The following CTNNA3 variants were observed in gnomAD, a reference collection of about 807,000 sequenced individuals.
CTNNA3 encodes the protein catenin alpha-3.
A neutral mutation model predicts 95.7 loss-of-function variants in CTNNA3; 76 were observed. The observed-to-expected ratio is 0.79, with a 90% CI of 0.66 to 0.96. CTNNA3 has a LOEUF of 0.96. Among genes scored for constraint, CTNNA3 ranks in the 40% least tolerant of loss-of-function variants. The pLI is 0.00. For missense variants in CTNNA3, 1,191 were observed against 1,089.8 expected (o/e 1.09, Z -1.31); for synonymous variants, 431 against 374.4 (o/e 1.15, Z -1.74).
chr10:66,022,190 AT>A (rs1451307706), intron 15 of CTNNA3, among the ~76,000 whole-genome samples: 1 of 152,050 alleles, frequency 6.6e-6, no homozygotes, highest in Admixed American at 6.6e-5. Flanking sequence ...TAAGGATTTG[AT>A]TTTTGACTTT....
intron 5 of CTNNA3, among the ~76,000 whole-genome samples, chr10:67,294,871 A>G (rs977246671): frequency 1.3e-5 from 2 of 152,220 alleles, no homozygotes; most frequent in Non-Finnish European, 2.9e-5. Flanking sequence ...ATTTTTGTTC[A>G]GTAATTGGTA....
intron 7 of CTNNA3, among the ~76,000 whole-genome samples, chr10:66,823,669 A>C (rs1429813654): frequency 2.0e-5 from 3 of 152,252 alleles, no homozygotes; most frequent in Non-Finnish European, 4.4e-5. Context: ...TAATAACAAT[A>C]GTTAATGTTT....
rs376675508 is a variant in CTNNA3, at chr10:66,405,047, A to C, written c.1532-25695T>G. Among the ~76,000 whole-genome samples, 8 of 152,322 alleles carry C rather than the reference A, an allele frequency of 5.3e-5. No homozygotes were observed. In the East Asian group the frequency reaches 1.5e-3, roughly 29 times the overall value. On this transcript the variant is annotated intron_variant, in intron 11 of 17. Transcript: ENST00000433211. Reference sequence around the variant, plus strand: ...GGCCAGGGTGAGTTTGGTAGGAAGAAATACAGAAGAGTTAAGCAACTATCT... The same window carrying C: ...GGCCAGGGTGAGTTTGGTAGGAAGACATACAGAAGAGTTAAGCAACTATCT...
intron 3 of CTNNA3, among the ~76,000 whole-genome samples, chr10:67,579,295 C>T (rs974252370): frequency 7.4e-5 from 11 of 148,032 alleles, no homozygotes; most frequent in Middle Eastern, 3.3e-3. Context: ...TGAGTGAGAA[C>T]ATGCGGTCTT....
At chr10:67,587,193 TTGTGTGTGTGTGTGTG>T (rs57140243) in intron 3 of CTNNA3, among the ~76,000 whole-genome samples, 13 of 130,154 alleles carry the variant, frequency 1.0e-4, no homozygotes, top group South Asian at 5.6e-4. Flanking sequence ...CCCAGCTAAC[TTGTGTGTGTGTGTGTG>T]TGTGTGTGTG....
In CTNNA3 at chr10:66,432,792, T is replaced by A. The variant is rs568528204; in HGVS notation, c.1532-53440A>T. 3.3e-5 allele frequency among the ~76,000 whole-genome samples: 5 copies of A among 152,254 alleles called. No homozygotes were observed. The East Asian group carries it at 9.6e-4, about 29-fold the overall frequency. ...CTACATCAGGTATTTCTCCTAATGC[T>A]ATCCCTACCCTTGCCCCCAACCCCC... On this transcript the variant is annotated intron_variant, in intron 11 of 17. Coordinates refer to ENST00000433211, the MANE Select transcript of CTNNA3 (RefSeq NM_013266.4).
chr10:67,685,365 A>G (rs1840710835), intron 1 of CTNNA3, among the ~76,000 whole-genome samples: 1 of 152,242 alleles, frequency 6.6e-6, no homozygotes. Flanking sequence ...CAGACCAATT[A>G]TTAGGCAATT....
intron 13 of CTNNA3, among the ~76,000 whole-genome samples, chr10:66,168,683 A>G (rs2085265124): frequency 6.6e-6 from 1 of 152,148 alleles, no homozygotes; most frequent in Non-Finnish European, 1.5e-5. Context: ...GTGCTTTTTT[A>G]TATTATAGTA....
intron 7 of CTNNA3, among the ~76,000 whole-genome samples, chr10:67,175,189 G>A (rs1010000343): frequency 1.3e-5 from 2 of 151,738 alleles, no homozygotes; most frequent in Non-Finnish European, 2.9e-5. Flanking sequence ...GCTGAAAACT[G>A]CCTTTACATT....
intron 11 of CTNNA3, among the ~76,000 whole-genome samples, chr10:66,435,510 G>A (rs1265152556): frequency 4.6e-5 from 7 of 152,072 alleles, no homozygotes; most frequent in Admixed American, 2.6e-4. Context: ...TATTTCTGTG[G>A]GATCAGTGGT....
intron 11 of CTNNA3, among the ~76,000 whole-genome samples, chr10:66,516,314 TGA>T (rs1277702627): frequency 6.6e-6 from 1 of 152,132 alleles, no homozygotes; most frequent in African/African-American, 2.4e-5. Context: ...CACAGAAACT[TGA>T]GAGAGCAGTG....
intron 12 of CTNNA3, among the ~76,000 whole-genome samples, chr10:66,360,862 C>CCTT: frequency 9.1e-6 from 1 of 109,660 alleles, no homozygotes; most frequent in Non-Finnish European, 1.9e-5. Flanking sequence ...TCTTTCCTTT[C>CCTT]TCTTTCTTTT....
chr10:66,775,392 C>T, intron 8 of CTNNA3, 52 bp downstream of exon 8: 2 of 1,176,528 alleles, frequency 1.7e-6, no homozygotes, highest in South Asian at 2.7e-5. Context: ...CAATGAATAA[C>T]AGTTTCATTT....
At chr10:67,738,433 A>G (rs950602719) in intron 1 of CTNNA3, among the ~76,000 whole-genome samples, 1 of 152,198 alleles carries the variant, frequency 6.6e-6, no homozygotes, top group Non-Finnish European at 1.5e-5. Context: ...CCAAAACCCC[A>G]TCTGTACGTC....
chr10:66,914,626 A>AG (rs904291437), intron 7 of CTNNA3, among the ~76,000 whole-genome samples: 2 of 152,000 alleles, frequency 1.3e-5, no homozygotes, highest in African/African-American at 2.4e-5. Context: ...GCTATGAAGA[A>AG]GGGGCAAAAA....
chr10:66,512,390 G>T (rs550150341), intron 11 of CTNNA3, among the ~76,000 whole-genome samples: 97 of 152,040 alleles, frequency 6.4e-4, no homozygotes, highest in Middle Eastern at 6.8e-3. Context: ...GATAAGATGA[G>T]GATTTATTCT....
At chr10:65,986,726 G>A in intron 16 of CTNNA3, among the ~76,000 whole-genome samples, 1 of 149,648 alleles carries the variant, frequency 6.7e-6, no homozygotes, top group Non-Finnish European at 1.5e-5. Flanking sequence ...AATTTACATA[G>A]AACCACAAAA....
intron 7 of CTNNA3, among the ~76,000 whole-genome samples, chr10:66,841,494 G>A (rs1186669793): frequency 1.3e-5 from 2 of 152,158 alleles, no homozygotes; most frequent in South Asian, 2.1e-4. Context: ...GGAAAAAGTA[G>A]CTGCATTAAA....
intron 9 of CTNNA3, among the ~76,000 whole-genome samples, chr10:66,756,048 TGAA>T (rs1450323785): frequency 6.6e-6 from 1 of 152,202 alleles, no homozygotes; most frequent in Non-Finnish European, 1.5e-5. Flanking sequence ...TAAATTTATT[TGAA>T]GAACATTTGC....
Sources: allele counts gnomAD v4.1 joint callset (sites outside exome capture counted in the v4.1 genomes callset), GRCh38; gene constraint gnomAD v4.1.1; transcripts MANE v1.5; gene names NCBI Gene and HGNC (gene_info 2026-07-23, HGNC 2026-07-21).